VAC14: variants seen among roughly 807,000 people sequenced by gnomAD.
VAC14 encodes protein VAC14 homolog.
In VAC14, 47 loss-of-function variants were observed where a neutral mutation model predicts 85.3. That is an observed-to-expected ratio of 0.55 (90% CI 0.44 to 0.70). VAC14 has a LOEUF of 0.70. VAC14 is among the 30% of genes least tolerant of loss of function. VAC14 has a pLI of 0.00. For missense variants in VAC14, 861 were observed against 1,004.3 expected (o/e 0.86, Z 1.93); for synonymous variants, 447 against 430.5 (o/e 1.04, Z -0.47).
At chr16:70,719,456 G>A (rs565057579) in intron 14 of VAC14, among the ~76,000 whole-genome samples, 39 of 152,326 alleles carry the variant, frequency 2.6e-4, no homozygotes, top group Admixed American at 4.6e-4. Flanking sequence ...CACAGAGTAG[G>A]AGAAGATAAT....
intron 12 of VAC14, among the ~76,000 whole-genome samples, chr16:70,754,942 T>C (rs2031708991): frequency 6.6e-6 from 1 of 152,146 alleles, no homozygotes; most frequent in African/African-American, 2.4e-5. Flanking sequence ...GCAGCATTAG[T>C]ATTCCAGGGA....
Position 70,744,322 on chromosome 16 carries a change from AGAGCTCCT to A in VAC14, c.1528+93_1528+100del, listed in dbSNP as rs1350472673. The A allele has an allele frequency of 5.0e-5, 74 of 1,485,662 alleles. 1 individual carries two copies. Among genetic ancestry groups the A allele is most frequent in the Admixed American group, 8.4e-5 (4 of 47,418 alleles). 92.0% of individuals were successfully genotyped at this position (1,485,662 alleles called of 1,614,324 possible). On this transcript the variant is annotated intron_variant, in intron 13 of 18. Coordinates refer to ENST00000261776, the MANE Select transcript of VAC14 (RefSeq NM_018052.5). Reference sequence around the variant, plus strand: ...ACCCCTCACACCCTGGCAGAGCTCCAGAGCTCCTGAGCAACAACCCAAAGGACCGCCAT... The same window carrying A: ...ACCCCTCACACCCTGGCAGAGCTCCAGAGCAACAACCCAAAGGACCGCCAT...
intron 1 of VAC14, among the ~76,000 whole-genome samples, chr16:70,799,421 G>A (rs1348705741): frequency 1.3e-5 from 2 of 152,192 alleles, no homozygotes; most frequent in African/African-American, 2.4e-5. Context: ...GAGCTGAATG[G>A]AGGCAGGGTG....
At chr16:70,705,888 G>A (rs1243768153) in intron 14 of VAC14, among the ~76,000 whole-genome samples, 2 of 152,216 alleles carry the variant, frequency 1.3e-5, no homozygotes, top group Non-Finnish European at 2.9e-5. Context: ...GTGGCCCCAT[G>A]AGAGGCAAGA....
Position 70,688,094 on chromosome 16 carries a change from G to C in VAC14, c.2187-4C>G. The C allele has an allele frequency of 6.4e-7, 1 of 1,557,600 alleles. No individual in the cohort carries two copies. The highest frequency in any genetic ancestry group is 1.2e-5 in the South Asian group (1 of 84,708). The stretch of plus-strand genomic sequence containing the variant: ...GGGGGCTGCCTTTAGACTGTCTCTG[G>C]GAAGAGGGAGCAGAAATGCTCAGTG... On this transcript the variant is annotated splice_region_variant and splice_polypyrimidine_tract_variant and intron_variant, in intron 18 of 18. Transcript: ENST00000261776.
At position 70,695,616 on chromosome 16, in the gene VAC14, G is replaced by C. The variant is rs1393180269; in HGVS notation, c.1963C>G (p.Leu655Val). The change falls in exon 17 of 19, where the codon CTG becomes GTG. Residue 655 changes from leucine (L) to valine (V), a missense_variant. Around this residue, in one of 3 missense-constraint regions of VAC14, gnomAD observed 69 missense variants for 139.0 expected, o/e 0.50. Coordinates refer to ENST00000261776, the MANE Select transcript of VAC14 (RefSeq NM_018052.5). ...AYDLIQKFGDLEVTVDFLAEV... is the reference protein window; with the variant it reads ...AYDLIQKFGDVEVTVDFLAEV... ...GCGAGGAAGTCCACGGTGACCTCCAGGTCCCCACTGGGTGTGCAGTCAAGG... is the reference window on the plus strand; with the variant it reads ...GCGAGGAAGTCCACGGTGACCTCCACGTCCCCACTGGGTGTGCAGTCAAGG... 6.2e-7 allele frequency: 1 copy of C among 1,613,516 alleles called. No individual in the cohort carries two copies. The highest frequency in any genetic ancestry group is 2.2e-5 in the East Asian group (1 of 44,884).
At chr16:70,747,483 T>C (rs1191119685) in intron 12 of VAC14, 1 of 143,550 alleles carries the variant, frequency 7.0e-6, no homozygotes, top group Non-Finnish European at 1.5e-5. Context: ...AATTTTATGG[T>C]ATGTGAATTG....
At chr16:70,760,876 G>A (rs1357768539) in intron 12 of VAC14, among the ~76,000 whole-genome samples, 3 of 152,028 alleles carry the variant, frequency 2.0e-5, no homozygotes, top group Non-Finnish European at 4.4e-5. Flanking sequence ...GGCTGTGACT[G>A]TGCAGTGAGT....
At chr16:70,784,364 T>C (rs2033952492) in intron 4 of VAC14, 144 bp from the exon 5 acceptor site, 2 of 650,862 alleles carry the variant, frequency 3.1e-6, no homozygotes, top group Non-Finnish European at 5.4e-6. Context: ...AAGAGGTCTC[T>C]GGAGTATTCA....
Position 70,784,114 on chromosome 16 carries a change from C to T in VAC14, c.593G>A (p.Trp198Ter). ...AAACGGTGTCCGGCCAGGCCTTACCCAGGAGATGATGAACTGCCGGGCATA... is the reference window on the plus strand; with the variant it reads ...AAACGGTGTCCGGCCAGGCCTTACCTAGGAGATGATGAACTGCCGGGCATA... ...NQYARQFIIS[W>*]ILVLESVPDI... The change falls in exon 5 of 19, where the codon TGG becomes TAG. Residue 198 changes from tryptophan to a stop codon, truncating the protein, a stop_gained and splice_region_variant. Coordinates refer to ENST00000261776, the MANE Select transcript of VAC14 (RefSeq NM_018052.5). LOFTEE classifies it high-confidence loss of function. 6.2e-7 allele frequency: 1 copy of T among 1,613,968 alleles called. No homozygotes were observed. Among genetic ancestry groups the T allele is most frequent in the Non-Finnish European group, 8.5e-7 (1 of 1,179,828 alleles).
chr16:70,761,497 C>A (rs1352019624), intron 12 of VAC14, among the ~76,000 whole-genome samples: 4 of 152,230 alleles, frequency 2.6e-5, no homozygotes, highest in Non-Finnish European at 5.9e-5. Context: ...GTGCAATGGG[C>A]ACGCGCAGCT....
intron 13 of VAC14, among the ~76,000 whole-genome samples, chr16:70,742,496 C>T (rs893327426): frequency 1.8e-4 from 27 of 152,368 alleles, no homozygotes; most frequent in Admixed American, 8.5e-4. Context: ...AGAATGGACT[C>T]GTTTGCCGAG....
At chr16:70,688,157 C>T (rs1049129338) in intron 18 of VAC14, 67 bp from the exon 19 acceptor site, 3 of 1,412,360 alleles carry the variant, frequency 2.1e-6, no homozygotes, top group South Asian at 1.7e-5. Flanking sequence ...TGCTGGAGGG[C>T]AGTGGGGTCA....
intron 14 of VAC14, among the ~76,000 whole-genome samples, chr16:70,730,230 C>T (rs1013385864): frequency 6.6e-5 from 10 of 151,944 alleles, no homozygotes; most frequent in Non-Finnish European, 1.2e-4. Context: ...TCCCAGCTGG[C>T]TCCACCTCAG....
At chr16:70,706,246 C>T (rs2053918014) in intron 14 of VAC14, among the ~76,000 whole-genome samples, 1 of 152,208 alleles carries the variant, frequency 6.6e-6, no homozygotes, top group South Asian at 2.1e-4. Context: ...GGTGACTGGG[C>T]AGGTAGTCCT....
intron 10 of VAC14, 179 bp downstream of exon 10, chr16:70,771,930 G>A: frequency 3.3e-6 from 2 of 604,116 alleles, no homozygotes; most frequent in South Asian, 4.1e-5. Context: ...TGGGTGGGGT[G>A]GGCTTGCTCA....
intron 9 of VAC14, chr16:70,778,285 A>C (rs184292686): frequency 6.6e-6 from 1 of 152,294 alleles, no homozygotes; most frequent in Admixed American, 6.5e-5. Context: ...CCAATGCTCC[A>C]GCTGGTAGGG....
chr16:70,763,824 G>A (rs182967160), intron 10 of VAC14, among the ~76,000 whole-genome samples: 49 of 152,354 alleles, frequency 3.2e-4, no homozygotes, highest in African/African-American at 1.2e-3. Context: ...GGGACAGCGG[G>A]TGCTGCTGGG....
intron 14 of VAC14, among the ~76,000 whole-genome samples, chr16:70,730,559 G>A (rs1040602077): frequency 6.6e-6 from 1 of 151,020 alleles, no homozygotes; most frequent in African/African-American, 2.4e-5. Context: ...ATCACCCCAG[G>A]GGTTCCGATT....
Sources: gnomAD v4.1 joint callset for allele counts (sites outside exome capture counted in the v4.1 genomes callset) on GRCh38, gnomAD v4.1.1 for gene constraint, gnomAD v4.1.1 regional missense constraint, MANE v1.5 for transcripts, NCBI Gene and HGNC (gene_info 2026-07-23, HGNC 2026-07-21) for gene names.